The following DIP2B variants were observed in gnomAD, a reference collection of about 807,000 sequenced individuals.
The protein encoded by DIP2B is DIP2 acetate--CoA ligase B (putative).
Under a neutral mutation model 198.0 loss-of-function variants are expected in DIP2B, and 76 were observed. The observed-to-expected ratio is 0.38, with a 90% CI of 0.32 to 0.46. DIP2B has a LOEUF of 0.46. Ranked by LOEUF, DIP2B falls within the 20% of genes least tolerant of loss-of-function variation. DIP2B has a pLI of 0.99. For missense variants in DIP2B, 1,559 were observed against 1,978.4 expected (o/e 0.79, Z 4.02); for synonymous variants, 701 against 739.1 (o/e 0.95, Z 0.84).
chr12:50,597,737 T>C (rs1352755849), intron 1 of DIP2B, among the ~76,000 whole-genome samples: 1 of 152,216 alleles, frequency 6.6e-6, no homozygotes, highest in Non-Finnish European at 1.5e-5. Context: ...CCGACTCCTG[T>C]TTAGCCGAAA....
Position 50,640,867 on chromosome 12 carries a change from C to A in DIP2B, c.301+15C>A. On this transcript the variant is annotated intron_variant, in intron 3 of 37. Transcript: ENST00000301180. ...ATATCGATCAGGTGAGGAGAAGCTG[C>A]AGAATGGCCAGCTGAATCGTTTTCC... 6.2e-7 allele frequency: 1 copy of A among 1,608,030 alleles called. No individual in the cohort carries two copies. The highest frequency in any genetic ancestry group is 8.5e-7 in the Non-Finnish European group (1 of 1,177,592).
chr12:50,645,008 G>GA lies in DIP2B; in HGVS notation c.301+4157dup, dbSNP rs759448053. On this transcript the variant is annotated intron_variant, in intron 3 of 37. Coordinates refer to ENST00000301180, the MANE Select transcript of DIP2B (RefSeq NM_173602.3). The stretch of plus-strand genomic sequence containing the variant: ...TCATTTTTCCTTCTAATATAAGGAG[G>GA]ACATTTTTCTCATTTTTAACATACC... Among the ~76,000 whole-genome samples the GA allele has an allele frequency of 6.6e-5, 10 of 152,178 alleles. No homozygotes were observed. The East Asian group carries it at 1.9e-3, about 29-fold the overall frequency.
rs397934701 is a variant in DIP2B, at chr12:50,663,872, TAAAAAAAAA to T, written c.427+3567_427+3575del. Reference sequence around the variant, plus strand: ...GAGACAGAGTGAGGCCCCATCTCTTTAAAAAAAAAAAAAAAAAAAAAAGCAAACAAAAAG... The same window carrying T: ...GAGACAGAGTGAGGCCCCATCTCTTTAAAAAAAAAAAAAGCAAACAAAAAG... On this transcript the variant is annotated intron_variant, in intron 4 of 37. Transcript: ENST00000301180. Among the ~76,000 whole-genome samples the T allele has an allele frequency of 3.8e-5, 4 of 104,820 alleles. No individual in the cohort carries two copies. The South Asian group carries it at 1.2e-3, about 32-fold the overall frequency. The allele number at this position is 104,820 out of a possible 152,430, so 68.8% of individuals were successfully genotyped here. A position where few individuals can be genotyped will look rare whatever the true frequency, so the allele number is the denominator to read the frequency against.
chr12:50,660,263 C>T lies in DIP2B; in HGVS notation c.371C>T (p.Pro124Leu). The change falls in exon 4 of 38, where the codon CCA becomes CTA. Residue 124 changes from proline to leucine, a missense_variant. Coordinates refer to ENST00000301180, the MANE Select transcript of DIP2B (RefSeq NM_173602.3). ...HKEQKMALPM[P>L]TKRRSTFVQS... ...GAACAGAAGATGGCTTTGCCCATGCCAACCAAAAGGCGATCCACATTTGTT... is the reference window on the plus strand; with the variant it reads ...GAACAGAAGATGGCTTTGCCCATGCTAACCAAAAGGCGATCCACATTTGTT... 1 of 1,613,278 alleles carries T rather than the reference C, an allele frequency of 6.2e-7. No individual in the cohort carries two copies.
In DIP2B at chr12:50,623,510, GACAC is replaced by G. The variant is rs149507592; in HGVS notation, c.101-2451_101-2448del. 2.6e-4 allele frequency among the ~76,000 whole-genome samples: 19 copies of G among 74,092 alleles called. No individual in the cohort carries two copies. The East Asian group carries it at 2.6e-3, about 10-fold the overall frequency. 48.6% of individuals were successfully genotyped at this position (74,092 alleles called of 152,430 possible). ...AAACAATTTAGTATATAGCCTTCCA[GACAC>G]ACACACACACACACGCACACACACA... On this transcript the variant is annotated intron_variant, in intron 1 of 37. Coordinates refer to ENST00000301180, the MANE Select transcript of DIP2B (RefSeq NM_173602.3).
At chr12:50,607,330 A>G (rs1214062456) in intron 1 of DIP2B, among the ~76,000 whole-genome samples, 5 of 152,212 alleles carry the variant, frequency 3.3e-5, no homozygotes, top group African/African-American at 9.7e-5. Flanking sequence ...AACATATCCA[A>G]AGAGACATAG....
At position 50,740,647 on chromosome 12, in the gene DIP2B, T is replaced by C. The variant is rs75428977; in HGVS notation, c.4355-769T>C. On this transcript the variant is annotated intron_variant, in intron 36 of 37. Transcript: ENST00000301180. ...AACAGCTTCAATCACTTTGTTTTGC[T>C]GAATTTTTCAGAAATCTGCGTTTTT... Among the ~76,000 whole-genome samples the C allele has an allele frequency of 2.4e-3, 360 of 152,358 alleles. 12 individuals are homozygous for C. The East Asian group carries it at 0.064, about 27-fold the overall frequency.
In DIP2B at chr12:50,695,934, C is replaced by T. The variant is rs1210360477; in HGVS notation, c.1900C>T (p.Arg634Ter). The T allele has an allele frequency of 6.2e-7, 1 of 1,614,024 alleles. No individual in the cohort carries two copies. The highest frequency in any genetic ancestry group is 8.5e-7 in the Non-Finnish European group (1 of 1,179,942). The change falls in exon 16 of 38, where the codon CGA becomes TGA. Residue 634 changes from arginine to a stop codon, truncating the protein, a stop_gained. Transcript: ENST00000301180. LOFTEE classifies it high-confidence loss of function. ...DQRDVSLSSL[R>*]MLIVTDGANP... ...AAGAGACGTGAGCTTGAGTTCCCTC[C>T]GAATGTTAATTGTGACTGATGGAGC...
intron 1 of DIP2B, among the ~76,000 whole-genome samples, chr12:50,523,404 C>T (rs950284679): frequency 6.6e-6 from 1 of 151,934 alleles, no homozygotes; most frequent in Non-Finnish European, 1.5e-5. Context: ...CCTATTTTCA[C>T]TTAGAGGTTT....
At chr12:50,713,586 C>T (rs1177661027) in intron 22 of DIP2B, among the ~76,000 whole-genome samples, 1 of 152,148 alleles carries the variant, frequency 6.6e-6, no homozygotes, top group African/African-American at 2.4e-5. Flanking sequence ...GTGCTATGGG[C>T]CTCACCCCAG....
At chr12:50,591,241 C>T (rs1332151055) in intron 1 of DIP2B, among the ~76,000 whole-genome samples, 2 of 152,204 alleles carry the variant, frequency 1.3e-5, no homozygotes, top group Non-Finnish European at 2.9e-5. Context: ...ATCTGTTTTA[C>T]TTCTCCATGG....
intron 25 of DIP2B, 145 bp downstream of exon 25, chr12:50,719,180 G>A (rs951615779): frequency 1.2e-6 from 1 of 822,750 alleles, no homozygotes; most frequent in Non-Finnish European, 1.9e-6. Flanking sequence ...TGGCATATGA[G>A]GGTAAACTGT....
At chr12:50,521,677 G>C (rs955044679) in intron 1 of DIP2B, among the ~76,000 whole-genome samples, 1 of 151,436 alleles carries the variant, frequency 6.6e-6, no homozygotes, top group Admixed American at 6.6e-5. Flanking sequence ...TGTATTTTCA[G>C]TAGAGACGGG....
Position 50,505,183 on chromosome 12 carries a change from G to T in DIP2B, c.43G>T (p.Ala15Ser). The T allele has an allele frequency of 6.6e-7, 1 of 1,525,924 alleles. No individual in the cohort carries two copies. Among genetic ancestry groups the T allele is most frequent in the South Asian group, 1.2e-5 (1 of 83,450 alleles). The allele number at this position is 1,525,924 out of a possible 1,614,324, so 94.5% of individuals were successfully genotyped here. The change falls in exon 1 of 38, where the codon GCG (alanine) becomes TCG (serine). Residue 15 changes from alanine to serine, a missense_variant. By Grantham distance (99) the Ala-to-Ser change is moderately conservative. Coordinates refer to ENST00000301180, the MANE Select transcript of DIP2B (RefSeq NM_173602.3). ...GGAGCCGTCGCCGGCCGCGGTGGCG[G>T]CGCTGCCGCCTGAAGTGCGGGCGCA... ...GLEPSPAAVA[A>S]LPPEVRAQLA...
At chr12:50,527,337 G>A (rs770592210) in intron 1 of DIP2B, among the ~76,000 whole-genome samples, 1 of 152,164 alleles carries the variant, frequency 6.6e-6, no homozygotes, top group Non-Finnish European at 1.5e-5. Context: ...TCCTACCCAC[G>A]TTATCTCAGG....
In DIP2B at chr12:50,704,192, G is replaced by A. The variant is rs1028678508; in HGVS notation, c.2378G>A (p.Arg793Gln). The A allele has an allele frequency of 2.5e-6, 4 of 1,611,094 alleles. No individual in the cohort carries two copies. The highest frequency in any genetic ancestry group is 2.2e-5 in the East Asian group (1 of 44,692). The change falls in exon 20 of 38, where the codon CGA becomes CAA. Residue 793 changes from arginine (R) to glutamine (Q), a missense_variant. Transcript: ENST00000301180. The stretch of plus-strand genomic sequence containing the variant: ...CCTGTTGGGGATGTGCCATTCATCC[G>A]ATCAGGATTGCTGGGGTTTGTAGGG... ...GSPVGDVPFI[R>Q]SGLLGFVGPG...
intron 32 of DIP2B, among the ~76,000 whole-genome samples, chr12:50,733,337 G>T (rs762301584): frequency 4.7e-5 from 7 of 150,228 alleles, no homozygotes; most frequent in Admixed American, 1.3e-4. Flanking sequence ...TTCTTGATGG[G>T]TAAATAACAG....
intron 22 of DIP2B, among the ~76,000 whole-genome samples, chr12:50,713,049 G>A (rs1207160236): frequency 2.6e-5 from 4 of 152,140 alleles, no homozygotes; most frequent in Non-Finnish European, 5.9e-5. Context: ...GTCCAGGTCG[G>A]CTTACTTCTA....
rs116415766 is a variant in DIP2B at position 50,572,958 on chromosome 12, A to G, written c.101-53018A>G. Among the ~76,000 whole-genome samples, 487 of 152,330 alleles carry G rather than the reference A, an allele frequency of 3.2e-3. 2 individuals are homozygous for G. Among genetic ancestry groups the G allele is most frequent in the African/African-American group, 0.011 (470 of 41,578 alleles). On this transcript the variant is annotated intron_variant, in intron 1 of 37. Transcript: ENST00000301180. ...GTTGGAGAATATGCCCAGTGTCAGCATCTTGGCTAGAGTGTGCTGTTAAAA... is the reference window on the plus strand; with the variant it reads ...GTTGGAGAATATGCCCAGTGTCAGCGTCTTGGCTAGAGTGTGCTGTTAAAA...
Sources: allele counts gnomAD v4.1 joint callset (sites outside exome capture counted in the v4.1 genomes callset), GRCh38; gene constraint gnomAD v4.1.1; transcripts MANE v1.5; gene names NCBI Gene and HGNC (gene_info 2026-07-23, HGNC 2026-07-21).